The following IL13RA2 variants were observed in gnomAD, a reference collection of about 807,000 sequenced individuals.
IL13RA2 encodes interleukin 13 receptor subunit alpha 2, also known as interleukin-13 receptor subunit alpha-2.
A neutral mutation model predicts 34.1 loss-of-function variants in IL13RA2; 25 were observed. The ratio of observed to expected loss-of-function variants is 0.73; its 90% CI spans 0.53 to 1.03. IL13RA2 has a LOEUF of 1.03. Ranked by LOEUF, IL13RA2 falls within the 50% of genes least tolerant of loss-of-function variation. The pLI is 0.00. For synonymous variants in IL13RA2, 106 were observed against 100.4 expected (o/e 1.06, Z -0.33); for missense variants, 297 against 280.9 (o/e 1.06, Z -0.41).
chrX:115,010,702 TC>T lies in IL13RA2; in HGVS notation c.647del (p.Gly216AspfsTer20). ...DYKDFYICVN[G>X]SSENKPIRSS... ...ATCTGATAGGCTTGTTCTCTGATGATCCATTAACACAAATATAGAAATCTTT... is the reference window on the plus strand; with the variant it reads ...ATCTGATAGGCTTGTTCTCTGATGATCATTAACACAAATATAGAAATCTTT... On this transcript the variant is annotated frameshift_variant, in exon 6 of 10. Transcript: ENST00000243213. LOFTEE classifies it high-confidence loss of function. 1 of 1,016,760 alleles carries T rather than the reference TC, an allele frequency of 9.8e-7. No individual in the cohort carries two copies. Among genetic ancestry groups the T allele is most frequent in the Non-Finnish European group, 1.4e-6 (1 of 724,551 alleles). 83.8% of individuals were successfully genotyped at this position (1,016,760 alleles called of 1,213,427 possible).
intron 5 of IL13RA2, 75 bp from the exon 6 acceptor site, chrX:115,010,903 A>G (rs1390779158): frequency 2.2e-6 from 1 of 446,840 alleles, no homozygotes. Context: ...ATTTTCAATT[A>G]TATTAGGATA....
At chrX:115,011,594 A>G (rs373903788) in intron 5 of IL13RA2, among the ~76,000 whole-genome samples, 3 of 112,036 alleles carry the variant, frequency 2.7e-5, no homozygotes, top group Non-Finnish European at 3.8e-5. Context: ...AAAGAGGCCA[A>G]TGTAGCAGCT....
At chrX:115,015,612 G>A in intron 3 of IL13RA2, 58 bp downstream of exon 3, 4 of 1,036,034 alleles carry the variant, frequency 3.9e-6, no homozygotes, top group Non-Finnish European at 5.4e-6. Context: ...CTAAAGTCAG[G>A]AATCACAAAG....
intron 7 of IL13RA2, 50 bp from the exon 8 acceptor site, chrX:115,008,126 T>C (rs912529427): frequency 2.4e-6 from 2 of 816,940 alleles, no homozygotes; most frequent in Non-Finnish European, 3.7e-6. Context: ...TAGTTGCAAC[T>C]AGACAGATTC....
At chrX:115,004,158 C>T in intron 9 of IL13RA2, 52 bp from the exon 10 acceptor site, 2 of 654,417 alleles carry the variant, frequency 3.1e-6, no homozygotes, top group Non-Finnish European at 5.0e-6. Context: ...CAAACTATTT[C>T]ACTGAAGATT....
intron 2 of IL13RA2, 67 bp from the exon 3 acceptor site, chrX:115,015,888 T>A: frequency 2.7e-6 from 2 of 754,118 alleles, no homozygotes; most frequent in Non-Finnish European, 3.9e-6. Flanking sequence ...TAAATCTAGA[T>A]GGCTTCCAAA....
intron 9 of IL13RA2, 139 bp downstream of exon 9, chrX:115,005,058 A>G (rs17094998): frequency 0.12 from 53,569 of 437,680 alleles, 2,552 homozygotes; most frequent in Non-Finnish European, 0.15. Flanking sequence ...TGAAGATAAC[A>G]TCATAATCCA....
chrX:115,007,966 A>C lies in IL13RA2; in HGVS notation c.963T>G (p.Ile321Met). Reference protein sequence around the residue: ...KVNIYCSDDGIWSEWSDKQCW... With the variant: ...KVNIYCSDDGMWSEWSDKQCW... ...ATTGTTTATCACTCCACTCACTCCA[A>C]ATTCCGTCATCTGAGCAATAAATAT... Residue 321 changes from isoleucine (I) to methionine (M), a missense_variant, in exon 8 of 10, where the codon ATT (isoleucine) becomes ATG (methionine). Ile to Met is a conservative substitution (Grantham distance 10). Transcript: ENST00000243213. 10 of 1,134,390 alleles carry C rather than the reference A, an allele frequency of 8.8e-6. No homozygotes were observed. Among genetic ancestry groups the C allele is most frequent in the Non-Finnish European group, 1.2e-5 (10 of 827,090 alleles). The allele number at this position is 1,134,390 out of a possible 1,213,427, so 93.5% of individuals were successfully genotyped here.
rs2071733140 is a variant in IL13RA2 at position 115,017,500 on chromosome X, C to T, written c.-34+53G>A. The T allele has an allele frequency of 9.6e-6, 3 of 312,942 alleles. No individual in the cohort carries two copies. In the East Asian group the frequency reaches 2.0e-4, roughly 21 times the overall value. The allele number at this position is 312,942 out of a possible 1,213,427, so 25.8% of individuals were successfully genotyped here. A position where few individuals can be genotyped will look rare whatever the true frequency, so the allele number is the denominator to read the frequency against. On this transcript the variant is annotated intron_variant, in intron 1 of 9. Transcript: ENST00000243213. ...TGGAAAGAAAGGATTCTAGTCTCAT[C>T]CTGCTTACAAGAATAAAAACAAAGC...
Position 115,014,823 on chromosome X carries a change from G to GA in IL13RA2, c.247-250dup, listed in dbSNP as rs782743711. Among the ~76,000 whole-genome samples, 938 of 109,087 alleles carry GA rather than the reference G, an allele frequency of 8.6e-3. 9 individuals carry two copies. Among genetic ancestry groups the GA allele is most frequent in the African/African-American group, 0.031 (890 of 28,841 alleles). 94.7% of individuals were successfully genotyped at this position (109,087 alleles called of 115,157 possible). On this transcript the variant is annotated intron_variant, in intron 3 of 9. Transcript: ENST00000243213. The stretch of plus-strand genomic sequence containing the variant: ...AATAAAAACAAAAACTTTTGGAAGG[G>GA]AAAAAAAACTTTATGGCAGAAACTT...
intron 8 of IL13RA2, among the ~76,000 whole-genome samples, chrX:115,006,507 ACT>A (rs782617832): frequency 6.0e-4 from 66 of 110,406 alleles, no homozygotes; most frequent in African/African-American, 2.1e-3. Context: ...ACACGGTGAA[ACT>A]CTGTCTCTAC....
Position 115,010,841 on chromosome X carries a change from T to C in IL13RA2, c.522-13A>G. 2 of 917,283 alleles carry C rather than the reference T, an allele frequency of 2.2e-6. No individual in the cohort carries two copies. The highest frequency in any genetic ancestry group is 2.9e-6 in the Non-Finnish European group (2 of 683,986). 75.6% of individuals were successfully genotyped at this position (917,283 alleles called of 1,213,427 possible). A position where few individuals can be genotyped will look rare whatever the true frequency, so the allele number is the denominator to read the frequency against. ...CAAGCCCTCATACCTGTAAAATGAGTGTTGTGAGAATTGTGTTTAAATAAC... is the reference window on the plus strand; with the variant it reads ...CAAGCCCTCATACCTGTAAAATGAGCGTTGTGAGAATTGTGTTTAAATAAC... On this transcript the variant is annotated splice_polypyrimidine_tract_variant and intron_variant, in intron 5 of 9. Coordinates refer to ENST00000243213, the MANE Select transcript of IL13RA2 (RefSeq NM_000640.3).
chrX:115,007,802 T>C (rs2071690939), intron 8 of IL13RA2, 130 bp downstream of exon 8: 1 of 449,140 alleles, frequency 2.2e-6, no homozygotes, highest in African/African-American at 2.5e-5. Flanking sequence ...AAGTGCTCCC[T>C]AACTTATTCT....
intron 5 of IL13RA2, among the ~76,000 whole-genome samples, 200 bp from the exon 6 acceptor site, chrX:115,011,028 C>G (rs1238209752): frequency 9.0e-6 from 1 of 111,291 alleles, no homozygotes; most frequent in African/African-American, 3.3e-5. Flanking sequence ...GACATAGTCC[C>G]CGATTTCATG....
At chrX:115,014,272 C>T (rs1305122779) in intron 4 of IL13RA2, 149 bp downstream of exon 4, 7 of 465,678 alleles carry the variant, frequency 1.5e-5, no homozygotes, top group Admixed American at 1.1e-4. Flanking sequence ...TTTTAAAAGG[C>T]TAATCACCAA....
At position 115,010,789 on chromosome X, in the gene IL13RA2, G is replaced by A; in HGVS notation, c.561C>T (p.Tyr187=). 4 of 1,137,565 alleles carry A rather than the reference G, an allele frequency of 3.5e-6. No homozygotes were observed. Among genetic ancestry groups the A allele is most frequent in the Non-Finnish European group, 4.8e-6 (4 of 841,659 alleles). The allele number at this position is 1,137,565 out of a possible 1,213,427, so 93.7% of individuals were successfully genotyped here. Residue 187 remains tyrosine, a synonymous_variant, in exon 6 of 10, where the codon TAC becomes TAT. Coordinates refer to ENST00000243213, the MANE Select transcript of IL13RA2 (RefSeq NM_000640.3). ...CTATATTTTGTCCATCAGCCTTGAT[G>A]TAATCAACACACTGTAATGCATGAT... The part of the protein sequence containing the change: ...GLDHALQCVD[Y]IKADGQNIGC...
rs17095053 is a variant in IL13RA2, at chrX:115,011,509, C to T, written c.522-681G>A. ...CTACTAAATTCGAAAGCAACAAATG[C>T]TTGCTATTTTCCTAAAGAATAGCTT... On this transcript the variant is annotated intron_variant, in intron 5 of 9. Coordinates refer to ENST00000243213, the MANE Select transcript of IL13RA2 (RefSeq NM_000640.3). 3.0e-3 allele frequency among the ~76,000 whole-genome samples: 338 copies of T among 112,146 alleles called. 2 individuals are homozygous for T. Among genetic ancestry groups the T allele is most frequent in the African/African-American group, 0.01 (321 of 30,947 alleles).
At position 115,014,452 on chromosome X, in the gene IL13RA2, C is replaced by G; in HGVS notation, c.369G>C (p.Trp123Cys). 1 of 1,193,109 alleles carries G rather than the reference C, an allele frequency of 8.4e-7. No homozygotes were observed. The highest frequency in any genetic ancestry group is 1.1e-6 in the Non-Finnish European group (1 of 882,016). ...CTNGSEVQSS[W>C]AETTYWISPQ... ...GTGATATCCAATAAGTAGTTTCTGC[C>G]CAGGAACTTTGAACTTCTGATCCAT... Residue 123 changes from tryptophan (W) to cysteine (C), a missense_variant, in exon 4 of 10, where the codon TGG becomes TGC. Trp to Cys is a radical substitution (Grantham distance 215). Transcript: ENST00000243213.
chrX:115,014,895 G>A (rs1472316687), intron 3 of IL13RA2, among the ~76,000 whole-genome samples: 1 of 111,584 alleles, frequency 9.0e-6, no homozygotes, highest in Admixed American at 9.6e-5. Context: ...ATATACCATA[G>A]GCACATTACT....
Sources: gnomAD v4.1 joint callset for allele counts (sites outside exome capture counted in the v4.1 genomes callset) on GRCh38, gnomAD v4.1.1 for gene constraint, MANE v1.5 for transcripts, NCBI Gene and HGNC (gene_info 2026-07-23, HGNC 2026-07-21) for gene names.